Variants in TMEM156 observed in about 807,000 individuals in gnomAD.
TMEM156 encodes the protein transmembrane protein 156.
In TMEM156, 28 loss-of-function variants were observed where a neutral mutation model predicts 30.5. The observed-to-expected ratio is 0.92, with a 90% CI of 0.68 to 1.26. The LOEUF is 1.26. TMEM156 is among the 50% of genes most tolerant of loss of function. The pLI is 0.00. For synonymous variants in TMEM156, 137 were observed against 119.9 expected, an observed-to-expected ratio of 1.14 and a Z score of -0.93; for missense variants, 351 against 340.6, an observed-to-expected ratio of 1.03 and a Z score of -0.24.
intron 6 of TMEM156, among the ~76,000 whole-genome samples, chr4:38,969,389 C>G (rs1054385292): frequency 6.6e-6 from 1 of 152,186 alleles, no homozygotes; most frequent in Non-Finnish European, 1.5e-5. Flanking sequence ...CCAGTCCCAT[C>G]CAAGTTGCTG....
chr4:38,969,054 G>A (rs534594319), intron 6 of TMEM156, among the ~76,000 whole-genome samples: 42 of 152,240 alleles, frequency 2.8e-4, no homozygotes, highest in Non-Finnish European at 5.4e-4. Context: ...ATAATGCATA[G>A]TGATTAGTGA....
intron 5 of TMEM156, among the ~76,000 whole-genome samples, chr4:38,976,157 C>T (rs1213649137): frequency 6.6e-6 from 1 of 151,804 alleles, no homozygotes; most frequent in African/African-American, 2.4e-5. Context: ...CATGGTGGTG[C>T]GTGCCTGTAA....
chr4:39,004,995 T>C (rs187425410), intron 1 of TMEM156, among the ~76,000 whole-genome samples: 94 of 152,250 alleles, frequency 6.2e-4, no homozygotes, highest in African/African-American at 2.2e-3. Context: ...GTCTAAAAAC[T>C]AGTGAATATA....
chr4:38,988,494 G>C (rs937841691), intron 4 of TMEM156, among the ~76,000 whole-genome samples: 1 of 152,158 alleles, frequency 6.6e-6, no homozygotes, highest in Non-Finnish European at 1.5e-5. Context: ...AGCCTCCCAA[G>C]GTGCTGGGAT....
chr4:38,973,822 TTTTG>T lies in TMEM156; in HGVS notation c.824-2689_824-2686del, dbSNP rs776062292. Among the ~76,000 whole-genome samples, 15 of 152,314 alleles carry T rather than the reference TTTTG, an allele frequency of 9.8e-5. No homozygotes were observed. In the East Asian group the frequency reaches 2.7e-3, roughly 27 times the overall value. On this transcript the variant is annotated intron_variant, in intron 5 of 6. Transcript: ENST00000381938. ...CCCTATAAAACATATTTCTGGGGTT[TTTTG>T]TTTGTTTGAGAGAAATATATTTTAT...
At chr4:38,996,024 TTATCTGATAAAAGGTTAA>T (rs2109966040) in intron 2 of TMEM156, among the ~76,000 whole-genome samples, 1 of 152,156 alleles carries the variant, frequency 6.6e-6, no homozygotes, top group South Asian at 2.1e-4. Context: ...TTCAAACTGT[TTATCTGATAAAAGGTTAA>T]TATCCAAAAC....
intron 3 of TMEM156, among the ~76,000 whole-genome samples, chr4:38,991,116 T>C (rs1366087983): frequency 1.3e-5 from 2 of 151,934 alleles, no homozygotes; most frequent in African/African-American, 4.8e-5. Flanking sequence ...ATTACAGGCA[T>C]GACCCACCTC....
At chr4:39,007,725 G>A (rs1206513379) in intron 1 of TMEM156, among the ~76,000 whole-genome samples, 2 of 152,120 alleles carry the variant, frequency 1.3e-5, no homozygotes, top group Non-Finnish European at 2.9e-5. Flanking sequence ...CCAAAGTGCT[G>A]AGATTACAGG....
In TMEM156 at chr4:39,029,571, G is replaced by A. The variant is rs1231960175; in HGVS notation, c.88+2655C>T. On this transcript the variant is annotated intron_variant, in intron 1 of 6. Transcript: ENST00000381938. The stretch of plus-strand genomic sequence containing the variant: ...CTACTAAAAATACAAAAAATTAGCC[G>A]GGCGTGGTAGCGGGCGCCTGTAGTC... 1.0e-3 allele frequency among the ~76,000 whole-genome samples: 21 copies of A among 20,416 alleles called. 9 individuals are homozygous for A. Among genetic ancestry groups the A allele is most frequent in the South Asian group, 3.7e-3 (2 of 534 alleles). The allele number at this position is 20,416 out of a possible 152,430, so 13.4% of individuals were successfully genotyped here.
chr4:39,031,890 AT>A (rs3043435), intron 1 of TMEM156, among the ~76,000 whole-genome samples: 80,823 of 123,386 alleles, frequency 0.66, 27,796 homozygotes, highest in African/African-American at 0.75. Flanking sequence ...AAAAAAAAAA[AT>A]AAAAAATAAA....
chr4:38,987,544 A>G (rs1312238045), intron 4 of TMEM156, among the ~76,000 whole-genome samples: 3 of 152,254 alleles, frequency 2.0e-5, no homozygotes, highest in Non-Finnish European at 4.4e-5. Flanking sequence ...TGAAACCTGG[A>G]GGCAACCACT....
chr4:38,998,663 A>G lies in TMEM156; in HGVS notation c.335T>C (p.Ile112Thr). ...VCESKGNMDFISQEQTSKVLI... is the reference protein window; with the variant it reads ...VCESKGNMDFTSQEQTSKVLI... ...ACCTTTTGATGTTTGTTCCTGAGAA[A>G]TAAAATCCATGTTTCCTTTAGACTC... Residue 112 changes from isoleucine to threonine, a missense_variant, in exon 2 of 7, where the codon ATT becomes ACT. Ile to Thr is a moderately conservative substitution (Grantham distance 89). Coordinates refer to ENST00000381938, the MANE Select transcript of TMEM156 (RefSeq NM_024943.3). The G allele has an allele frequency of 6.2e-7, 1 of 1,611,824 alleles. No individual in the cohort carries two copies. Among genetic ancestry groups the G allele is most frequent in the Non-Finnish European group, 8.5e-7 (1 of 1,178,684 alleles).
chr4:39,021,995 C>T (rs141162787), intron 1 of TMEM156, among the ~76,000 whole-genome samples: 52 of 152,190 alleles, frequency 3.4e-4, no homozygotes, highest in African/African-American at 1.0e-3. Context: ...TGAGTCTTCA[C>T]GTGTTTTATC....
chr4:39,016,530 G>T (rs1714497436), intron 1 of TMEM156, among the ~76,000 whole-genome samples: 1 of 151,996 alleles, frequency 6.6e-6, no homozygotes, highest in Non-Finnish European at 1.5e-5. Flanking sequence ...TGATGTTTTA[G>T]GTATAAGCAT....
intron 1 of TMEM156, among the ~76,000 whole-genome samples, chr4:39,007,415 T>TTTTATTTATTTA (rs56959550): frequency 1.3e-5 from 2 of 151,678 alleles, no homozygotes; most frequent in African/African-American, 4.9e-5. Flanking sequence ...CTTCCTTTCT[T>TTTTATTTATTTA]TTTATTTATT....
chr4:39,022,487 T>C (rs1201428078), intron 1 of TMEM156, among the ~76,000 whole-genome samples: 2 of 152,254 alleles, frequency 1.3e-5, no homozygotes, highest in Non-Finnish European at 2.9e-5. Context: ...GCCATACGTA[T>C]TTATAATTCC....
At chr4:38,972,533 G>A (rs1051686755) in intron 5 of TMEM156, among the ~76,000 whole-genome samples, 2 of 151,568 alleles carry the variant, frequency 1.3e-5, no homozygotes, top group African/African-American at 2.4e-5. Flanking sequence ...TTACAGGCAT[G>A]AGCCACCATT....
chr4:39,001,224 A>AG (rs2109987172), intron 1 of TMEM156, among the ~76,000 whole-genome samples: 1 of 149,560 alleles, frequency 6.7e-6, no homozygotes, highest in African/African-American at 2.4e-5. Flanking sequence ...CAAAAAAAAA[A>AG]AAAAAAGAAA....
In TMEM156 at chr4:39,001,929, C is replaced by A. The variant is rs180915229; in HGVS notation, c.89-3020G>T. Among the ~76,000 whole-genome samples, 1,111 of 142,402 alleles carry A rather than the reference C, an allele frequency of 7.8e-3. 27 individuals carry two copies. Among genetic ancestry groups the A allele is most frequent in the African/African-American group, 0.026 (1,052 of 40,028 alleles). 93.4% of individuals were successfully genotyped at this position (142,402 alleles called of 152,430 possible). A position where few individuals can be genotyped will look rare whatever the true frequency, so the allele number is the denominator to read the frequency against. ...ACGTTAGACCTAAAACCATAAAAAC[C>A]CTAGAAGAAAACCTAGGCTTTACCA... On this transcript the variant is annotated intron_variant, in intron 1 of 6. Transcript: ENST00000381938.
Sources: gnomAD v4.1 joint callset for allele counts (sites outside exome capture counted in the v4.1 genomes callset) on GRCh38, gnomAD v4.1.1 for gene constraint, MANE v1.5 for transcripts, NCBI Gene and HGNC (gene_info 2026-07-23, HGNC 2026-07-21) for gene names.